DPP10: variants seen among roughly 807,000 people sequenced by gnomAD.
DPP10 encodes the protein inactive dipeptidyl peptidase 10.
A neutral mutation model predicts 120.9 loss-of-function variants in DPP10; 33 were observed. The ratio of observed to expected loss-of-function variants is 0.27; its 90% CI spans 0.21 to 0.37. The LOEUF (loss-of-function observed/expected upper bound fraction) is 0.37. DPP10 is among the 10% of genes least tolerant of loss of function. The pLI, the probability that DPP10 is intolerant of heterozygous loss-of-function variation, is 1.00. For missense variants in DPP10, 816 were observed against 942.8 expected (o/e 0.87, Z 1.76); for synonymous variants, 337 against 326.1 (o/e 1.03, Z -0.36).
rs187885302 is a variant in DPP10, at chr2:115,013,630, G to A, written c.61-295609G>A. ...CACATAGGCTCAAAATAAAGGGATG[G>A]AGGAATATTTACCAAGCAAATGGAA... On this transcript the variant is annotated intron_variant, in intron 1 of 25. Coordinates refer to ENST00000410059, the MANE Select transcript of DPP10 (RefSeq NM_020868.6). Among the ~76,000 whole-genome samples, 801 of 139,334 alleles carry A rather than the reference G, an allele frequency of 5.7e-3. 9 individuals are homozygous for A. Among genetic ancestry groups the A allele is most frequent in the African/African-American group, 0.02 (751 of 37,052 alleles). The allele number at this position is 139,334 out of a possible 152,430, so 91.4% of individuals were successfully genotyped here. A position where few individuals can be genotyped will look rare whatever the true frequency, so the allele number is the denominator to read the frequency against.
intron 1 of DPP10, among the ~76,000 whole-genome samples, chr2:115,208,204 T>A (rs1289010676): frequency 7.2e-6 from 1 of 138,122 alleles, no homozygotes; most frequent in East Asian, 2.4e-4. Context: ...TTTTTTTTTT[T>A]CTTTTTTTTT....
At chr2:115,472,710 C>G (rs1484233275) in intron 3 of DPP10, among the ~76,000 whole-genome samples, 1 of 152,098 alleles carries the variant, frequency 6.6e-6, no homozygotes, top group Non-Finnish European at 1.5e-5. Flanking sequence ...ATGTGCTATT[C>G]ATTTCTTTAT....
intron 1 of DPP10, among the ~76,000 whole-genome samples, chr2:114,594,852 T>C (rs1417411280): frequency 6.6e-6 from 1 of 152,050 alleles, no homozygotes; most frequent in Admixed American, 6.6e-5. Context: ...GCTCTCTGAC[T>C]CTGCTTACCT....
intron 1 of DPP10, among the ~76,000 whole-genome samples, chr2:115,191,240 C>G (rs1425564456): frequency 6.6e-6 from 1 of 152,220 alleles, no homozygotes; most frequent in Non-Finnish European, 1.5e-5. Context: ...GCGGTCCATC[C>G]TTGCTCTTCG....
intron 1 of DPP10, among the ~76,000 whole-genome samples, chr2:114,498,911 A>G (rs889716671): frequency 1.3e-5 from 2 of 152,240 alleles, no homozygotes; most frequent in African/African-American, 4.8e-5. Flanking sequence ...GTGTCCATCA[A>G]TGGATGAATG....
At position 114,971,990 on chromosome 2, in the gene DPP10, T is replaced by C. The variant is rs535277857; in HGVS notation, c.61-337249T>C. On this transcript the variant is annotated intron_variant, in intron 1 of 25. Transcript: ENST00000410059. Reference sequence around the variant, plus strand: ...GGATTCAGTGTGTCATCCTTTATAGTAGCACAATTTAGAAACAAGTTAGAC... The same window carrying C: ...GGATTCAGTGTGTCATCCTTTATAGCAGCACAATTTAGAAACAAGTTAGAC... 3.9e-5 allele frequency among the ~76,000 whole-genome samples: 6 copies of C among 152,322 alleles called. No individual in the cohort carries two copies. In the East Asian group the frequency reaches 7.7e-4, roughly 20 times the overall value.
chr2:115,773,775 CTG>C (rs747419873), intron 13 of DPP10, among the ~76,000 whole-genome samples: 22 of 152,168 alleles, frequency 1.4e-4, no homozygotes, highest in Non-Finnish European at 2.4e-4. Context: ...TGCTCAAATA[CTG>C]TGATATTTAT....
chr2:114,703,476 C>T (rs1700506862), intron 1 of DPP10, among the ~76,000 whole-genome samples: 1 of 152,116 alleles, frequency 6.6e-6, no homozygotes, highest in African/African-American at 2.4e-5. Context: ...TGGATTGATA[C>T]ACTTGTTTGA....
intron 1 of DPP10, among the ~76,000 whole-genome samples, chr2:114,736,247 G>A (rs1334552531): frequency 2.0e-5 from 3 of 151,754 alleles, no homozygotes; most frequent in Non-Finnish European, 2.9e-5. Context: ...AACTCTGTGC[G>A]TGCTCATGCC....
At chr2:114,780,519 T>C (rs1427262370) in intron 1 of DPP10, among the ~76,000 whole-genome samples, 5 of 152,120 alleles carry the variant, frequency 3.3e-5, no homozygotes, top group African/African-American at 1.2e-4. Flanking sequence ...AATGTGTTTA[T>C]ATAGTAAAAC....
chr2:114,463,045 T>C (rs1194916556), intron 1 of DPP10, among the ~76,000 whole-genome samples: 1 of 152,164 alleles, frequency 6.6e-6, no homozygotes, highest in Non-Finnish European at 1.5e-5. Context: ...CCGAGGACTC[T>C]GGTTTCTTTC....
intron 5 of DPP10, among the ~76,000 whole-genome samples, chr2:115,640,242 C>T (rs2086668750): frequency 6.6e-6 from 1 of 151,918 alleles, no homozygotes. Context: ...GTCCTGGAGG[C>T]CAACATTCCC....
intron 7 of DPP10, among the ~76,000 whole-genome samples, chr2:115,723,629 T>TG (rs1424745193): frequency 2.0e-5 from 3 of 151,272 alleles, no homozygotes; most frequent in African/African-American, 7.3e-5. Context: ...TTTGTTTTTT[T>TG]TTTTTTTTAC....
chr2:115,052,951 C>CAAA (rs70941023), intron 1 of DPP10, among the ~76,000 whole-genome samples: 7 of 122,008 alleles, frequency 5.7e-5, no homozygotes, highest in Admixed American at 8.7e-5. Context: ...GACTCCATCT[C>CAAA]AAAAAAAAAA....
intron 1 of DPP10, among the ~76,000 whole-genome samples, chr2:114,488,487 C>A (rs1187482101): frequency 6.6e-6 from 1 of 152,076 alleles, no homozygotes; most frequent in East Asian, 1.9e-4. Flanking sequence ...TAATAGTAAT[C>A]CATGAAAATA....
intron 1 of DPP10, among the ~76,000 whole-genome samples, chr2:114,999,755 A>G (rs890006290): frequency 7.9e-5 from 12 of 151,612 alleles, no homozygotes; most frequent in African/African-American, 2.9e-4. Context: ...TGCTCCTAGA[A>G]CCTCCTCTGT....
chr2:115,692,051 T>C (rs1252174549), intron 7 of DPP10, among the ~76,000 whole-genome samples: 1 of 152,064 alleles, frequency 6.6e-6, no homozygotes, highest in Non-Finnish European at 1.5e-5. Flanking sequence ...ATAATGACAT[T>C]TTTCTTTTCC....
Position 114,542,664 on chromosome 2 carries a change from G to T in DPP10, c.60+99826G>T, listed in dbSNP as rs183849166. ...CCGTGTGACCCTGGGTGTCTACTTA[G>T]GCAAGGAAGACAAGCTTTCTTATCT... On this transcript the variant is annotated intron_variant, in intron 1 of 25. Transcript: ENST00000410059. Among the ~76,000 whole-genome samples, 3 of 152,282 alleles carry T rather than the reference G, an allele frequency of 2.0e-5. No homozygotes were observed. The East Asian group carries it at 5.8e-4, about 29-fold the overall frequency.
intron 1 of DPP10, among the ~76,000 whole-genome samples, chr2:114,726,943 A>G (rs1303581565): frequency 6.6e-6 from 1 of 152,228 alleles, no homozygotes; most frequent in Non-Finnish European, 1.5e-5. Context: ...GTCTATCTTC[A>G]TGCATGCTTT....
Sources: allele counts gnomAD v4.1 joint callset (sites outside exome capture counted in the v4.1 genomes callset), GRCh38; gene constraint gnomAD v4.1.1; transcripts MANE v1.5; gene names NCBI Gene and HGNC (gene_info 2026-07-23, HGNC 2026-07-21).